Variants in RBMS3 observed in about 807,000 individuals in gnomAD.
RBMS3 encodes the protein RNA binding motif single stranded interacting protein 3.
In RBMS3, 27 loss-of-function variants were observed where a neutral mutation model predicts 66.8. That is an observed-to-expected ratio of 0.40 (90% confidence interval 0.30 to 0.56). The LOEUF is 0.56. RBMS3 is among the 20% of genes least tolerant of loss of function. The pLI is 0.40. For synonymous variants in RBMS3, 188 were observed against 183.0 expected (o/e 1.03, Z -0.22); for missense variants, 513 against 549.5 (o/e 0.93, Z 0.66).
chr3:29,388,653 C>A (rs1014861189), intron 1 of RBMS3, among the ~76,000 whole-genome samples: 2 of 152,184 alleles, frequency 1.3e-5, no homozygotes, highest in Non-Finnish European at 2.9e-5. Flanking sequence ...CGGCTCACTG[C>A]CAGCTCTGCC....
intron 3 of RBMS3, among the ~76,000 whole-genome samples, chr3:29,498,262 T>C (rs1308139692): frequency 1.3e-5 from 2 of 151,984 alleles, no homozygotes; most frequent in Non-Finnish European, 2.9e-5. Context: ...CCCAAAGTGC[T>C]GGGATTACAG....
At chr3:29,608,253 A>C (rs977097286) in intron 4 of RBMS3, among the ~76,000 whole-genome samples, 11 of 151,960 alleles carry the variant, frequency 7.2e-5, no homozygotes, top group African/African-American at 2.7e-4. Flanking sequence ...ATTTTTTTAA[A>C]GCAGCATTAA....
At chr3:29,470,429 C>G (rs910591315) in intron 2 of RBMS3, among the ~76,000 whole-genome samples, 7 of 151,976 alleles carry the variant, frequency 4.6e-5, no homozygotes, top group Non-Finnish European at 1.0e-4. Context: ...CTTTAAATAG[C>G]TATATCAGTT....
intron 14 of RBMS3, among the ~76,000 whole-genome samples, chr3:29,994,705 T>C (rs1287044724): frequency 6.6e-6 from 1 of 152,206 alleles, no homozygotes; most frequent in Non-Finnish European, 1.5e-5. Flanking sequence ...GACCTGCAGC[T>C]GAGGATCCTC....
In RBMS3 at chr3:29,871,382, TTTTG is replaced by T. The variant is rs565422206; in HGVS notation, c.744+2439_744+2442del. 3.7e-3 allele frequency among the ~76,000 whole-genome samples: 565 copies of T among 152,100 alleles called. 4 individuals are homozygous for T. Among genetic ancestry groups the T allele is most frequent in the Non-Finnish European group, 5.1e-3 (348 of 67,972 alleles). ...TGGGTCAGATTCTTAAGGGAGGGTT[TTTTG>T]TTTGTTTGTTTGTTTGTTTGACCCC... On this transcript the variant is annotated intron_variant, in intron 7 of 14. Coordinates refer to ENST00000383767, the MANE Select transcript of RBMS3 (RefSeq NM_001003793.3).
chr3:29,345,928 A>T (rs2036544569), intron 1 of RBMS3, among the ~76,000 whole-genome samples: 1 of 152,236 alleles, frequency 6.6e-6, no homozygotes. Flanking sequence ...AGAAGGGAAA[A>T]GTGAAGATGT....
intron 6 of RBMS3, among the ~76,000 whole-genome samples, chr3:29,788,268 C>T (rs1013409792): frequency 1.3e-5 from 2 of 150,644 alleles, no homozygotes; most frequent in African/African-American, 4.9e-5. Context: ...ATTAAAATCC[C>T]AGGCTGGAGT....
At chr3:29,906,470 G>A (rs899808603) in intron 10 of RBMS3, among the ~76,000 whole-genome samples, 3 of 151,302 alleles carry the variant, frequency 2.0e-5, no homozygotes, top group Non-Finnish European at 4.4e-5. Context: ...CATTCATGAG[G>A]ACACAGCTGA....
At chr3:29,435,847 C>T (rs111491188) in intron 2 of RBMS3, among the ~76,000 whole-genome samples, 3,263 of 151,692 alleles carry the variant, frequency 0.022, 58 homozygotes, top group Admixed American at 0.047. Flanking sequence ...TGGTGGCGGG[C>T]GCCTGTAGTC....
At chr3:29,328,137 A>C (rs2035446429) in intron 1 of RBMS3, among the ~76,000 whole-genome samples, 1 of 152,210 alleles carries the variant, frequency 6.6e-6, no homozygotes, top group Non-Finnish European at 1.5e-5. Flanking sequence ...AACTGTTTGC[A>C]GAGTGCCTCT....
chr3:29,392,175 G>A (rs968107173), intron 1 of RBMS3, among the ~76,000 whole-genome samples: 5 of 152,134 alleles, frequency 3.3e-5, no homozygotes, highest in African/African-American at 4.8e-5. Context: ...ACTTGAACCC[G>A]GGAGGTGGAG....
intron 6 of RBMS3, among the ~76,000 whole-genome samples, chr3:29,863,032 G>A (rs2059258297): frequency 6.6e-6 from 1 of 151,990 alleles, no homozygotes; most frequent in African/African-American, 2.4e-5. Flanking sequence ...GTGAATTTTA[G>A]TTCACCTATT....
At chr3:29,934,178 C>G (rs562742454) in intron 10 of RBMS3, 1 of 152,034 alleles carries the variant, frequency 6.6e-6, no homozygotes, top group Non-Finnish European at 1.5e-5. Context: ...GGGATTGTGA[C>G]AGTTTAGCTG....
intron 4 of RBMS3, among the ~76,000 whole-genome samples, chr3:29,665,543 G>A (rs1437766033): frequency 2.6e-5 from 4 of 151,778 alleles, no homozygotes; most frequent in Non-Finnish European, 4.4e-5. Context: ...ATCGTGTCAC[G>A]AACATAAACA....
At chr3:29,329,848 T>G (rs1331576236) in intron 1 of RBMS3, among the ~76,000 whole-genome samples, 2 of 147,940 alleles carry the variant, frequency 1.4e-5, no homozygotes. Context: ...GTGAAAAATT[T>G]TAATATATAT....
intron 8 of RBMS3, among the ~76,000 whole-genome samples, chr3:29,894,288 G>T (rs1005226202): frequency 6.6e-6 from 1 of 151,380 alleles, no homozygotes; most frequent in African/African-American, 2.4e-5. Context: ...GCACATTCAT[G>T]GCTCACTGTA....
In RBMS3 at chr3:29,365,721, C is replaced by G. The variant is rs146269591; in HGVS notation, c.76-69022C>G. On this transcript the variant is annotated intron_variant, in intron 1 of 14. Transcript: ENST00000383767. ...GCCGCCTTCAAATCATTCTCCTTCACTTCTGCCGTTAGGTACATGCAAATG... is the reference window on the plus strand; with the variant it reads ...GCCGCCTTCAAATCATTCTCCTTCAGTTCTGCCGTTAGGTACATGCAAATG... Among the ~76,000 whole-genome samples, 253 of 152,308 alleles carry G rather than the reference C, an allele frequency of 1.7e-3. 1 individual carries two copies. The highest frequency in any genetic ancestry group is 5.9e-3 in the African/African-American group (246 of 41,580).
chr3:30,007,554 G>T lies in RBMS3; in HGVS notation c.*3692G>T, dbSNP rs532634628. On this transcript the variant is annotated 3_prime_UTR_variant, in exon 15 of 15. Transcript: ENST00000383767. ...TTTCTTTTAATAATGGTATGGTATT[G>T]TCAAGGGAGGCAAAGTGTTCATGGT... is the stretch of plus-strand genomic sequence containing the variant. 6.6e-6 allele frequency: 1 copy of T among 152,138 alleles called. No homozygotes were observed. Among genetic ancestry groups the T allele is most frequent in the South Asian group, 2.1e-4 (1 of 4,822 alleles). 9.4% of individuals were successfully genotyped at this position (152,138 alleles called of 1,614,324 possible).
In RBMS3 at chr3:30,005,084, TTTTCG is replaced by T. The variant is rs1240699058; in HGVS notation, c.*1227_*1231del. On this transcript the variant is annotated 3_prime_UTR_variant, in exon 15 of 15. Transcript: ENST00000383767. ...ATTACAGTCCAGAAGATAGAGGTTG[TTTTCG>T]TTTCTTTTCTTTTTAAAAAAAAAAA... 2 of 147,610 alleles carry T rather than the reference TTTTCG, an allele frequency of 1.4e-5. No homozygotes were observed. Among genetic ancestry groups the T allele is most frequent in the Non-Finnish European group, 3.0e-5 (2 of 67,210 alleles). The allele number at this position is 147,610 out of a possible 1,614,324, so 9.1% of individuals were successfully genotyped here.
Sources: gnomAD v4.1 joint callset for allele counts (sites outside exome capture counted in the v4.1 genomes callset) on GRCh38, gnomAD v4.1.1 for gene constraint, MANE v1.5 for transcripts, NCBI Gene and HGNC (gene_info 2026-07-23, HGNC 2026-07-21) for gene names.